VTCN1: variants seen among roughly 807,000 people sequenced by gnomAD.
The protein encoded by VTCN1 is V-set domain-containing T-cell activation inhibitor 1.
In VTCN1, 26 loss-of-function variants were observed where a neutral mutation model predicts 26.5. The observed-to-expected ratio is 0.98, with a 90% CI of 0.72 to 1.36. The LOEUF is 1.36. Among genes scored for constraint, VTCN1 ranks in the 40% most tolerant of loss-of-function variants. VTCN1 has a pLI of 0.00. For missense variants in VTCN1, 298 were observed against 337.7 expected (o/e 0.88, Z 0.92); for synonymous variants, 116 against 130.7 (o/e 0.89, Z 0.77).
At chr1:117,176,401 C>T (rs1378621674) in intron 1 of VTCN1, among the ~76,000 whole-genome samples, 1 of 151,858 alleles carries the variant, frequency 6.6e-6, no homozygotes, top group East Asian at 1.9e-4. Flanking sequence ...GCTCCTGTCA[C>T]CTCCTCGAGC....
At chr1:117,164,089 A>T (rs1652495464) in intron 2 of VTCN1, among the ~76,000 whole-genome samples, 1 of 152,112 alleles carries the variant, frequency 6.6e-6, no homozygotes, top group South Asian at 2.1e-4. Flanking sequence ...CCAGCTGAGG[A>T]GCAGATGTCC....
intron 3 of VTCN1, among the ~76,000 whole-genome samples, chr1:117,156,013 C>T (rs1460282354): frequency 1.3e-5 from 2 of 152,188 alleles, no homozygotes; most frequent in Non-Finnish European, 2.9e-5. Context: ...TCTGTTTAAT[C>T]ATCTTTATAC....
At chr1:117,172,394 T>A (rs189035939) in intron 1 of VTCN1, 1 of 518,776 alleles carries the variant, frequency 1.9e-6, no homozygotes, top group African/African-American at 1.9e-5. Flanking sequence ...TGGCCACTGC[T>A]CCTCTTTTCC....
At chr1:117,187,232 GC>G (rs1647986814) in intron 1 of VTCN1, among the ~76,000 whole-genome samples, 4 of 141,562 alleles carry the variant, frequency 2.8e-5, no homozygotes, top group Admixed American at 1.5e-4. Context: ...GATTGCTTGA[GC>G]CCAGGAGGCA....
chr1:117,170,238 G>A (rs1652833711), intron 1 of VTCN1, 67 bp from the exon 2 acceptor site: 1 of 1,436,412 alleles, frequency 7.0e-7, no homozygotes, highest in Non-Finnish European at 9.8e-7. Flanking sequence ...CTTTGCAACT[G>A]GGGTACAAAT....
At chr1:117,206,584 C>G (rs1290796626) in intron 1 of VTCN1, among the ~76,000 whole-genome samples, 3 of 152,138 alleles carry the variant, frequency 2.0e-5, no homozygotes, top group Non-Finnish European at 4.4e-5. Flanking sequence ...TACATTGCCT[C>G]CCTACAACAA....
chr1:117,166,724 T>C (rs190367200), intron 2 of VTCN1, among the ~76,000 whole-genome samples: 1 of 151,758 alleles, frequency 6.6e-6, no homozygotes. Context: ...CAAAATGTAC[T>C]TTAGCATTAC....
intron 2 of VTCN1, among the ~76,000 whole-genome samples, chr1:117,163,281 T>A (rs1246770956): frequency 6.6e-6 from 1 of 152,200 alleles, no homozygotes; most frequent in African/African-American, 2.4e-5. Flanking sequence ...CTGCCACTTA[T>A]TGGATATGTG....
At chr1:117,153,845 A>C (rs1403197253) in intron 3 of VTCN1, among the ~76,000 whole-genome samples, 1 of 152,208 alleles carries the variant, frequency 6.6e-6, no homozygotes, top group African/African-American at 2.4e-5. Flanking sequence ...TTCCATTCAC[A>C]AGCTTTGTCA....
chr1:117,192,175 G>A (rs1390390288), intron 1 of VTCN1, among the ~76,000 whole-genome samples: 1 of 152,220 alleles, frequency 6.6e-6, no homozygotes, highest in African/African-American at 2.4e-5. Flanking sequence ...ACATATAAGG[G>A]AAACTTTGTG....
At position 117,161,570 on chromosome 1, in the gene VTCN1, C is replaced by T. The variant is rs916084326; in HGVS notation, c.98-4649G>A. Among the ~76,000 whole-genome samples the T allele has an allele frequency of 6.6e-6, 1 of 152,090 alleles. No individual in the cohort carries two copies. Among genetic ancestry groups the T allele is most frequent in the African/African-American group, 2.4e-5 (1 of 41,414 alleles). On this transcript the variant is annotated intron_variant, in intron 2 of 5. Coordinates refer to ENST00000369458, the MANE Select transcript of VTCN1 (RefSeq NM_024626.4). The surrounding 1 kb of genome is among the most constrained non-coding windows in gnomAD (Gnocchi z 4.3). ...AACTGTCTTAATCCTATCTGTAAGTCCTGTAGTGCCTAGAGCTATGTTTCT... is the reference window on the plus strand; with the variant it reads ...AACTGTCTTAATCCTATCTGTAAGTTCTGTAGTGCCTAGAGCTATGTTTCT...
intron 4 of VTCN1, among the ~76,000 whole-genome samples, chr1:117,149,232 C>T (rs1049979771): frequency 1.3e-5 from 2 of 152,012 alleles, no homozygotes; most frequent in East Asian, 3.9e-4. Flanking sequence ...GCATTTCAAA[C>T]TCGACATCTC....
At position 117,143,622 on chromosome 1, in the gene VTCN1, A is replaced by G. The variant is rs1651362606; in HGVS notation, c.*1649T>C. ...AATGTATATTTAATCATTCTCTTGA[A>G]CGATCAGAACTCTAAAATCAGTTTT... On this transcript the variant is annotated 3_prime_UTR_variant, in exon 6 of 6. Transcript: ENST00000369458. 1 of 152,236 alleles carries G rather than the reference A, an allele frequency of 6.6e-6. No individual in the cohort carries two copies. The highest frequency in any genetic ancestry group is 2.4e-5 in the African/African-American group (1 of 41,466). The allele number at this position is 152,236 out of a possible 1,614,324, so 9.4% of individuals were successfully genotyped here.
In VTCN1 at chr1:117,147,055, G is replaced by A. The variant is rs1651549858; in HGVS notation, c.*45+558C>T. Among the ~76,000 whole-genome samples, 1 of 152,236 alleles carries A rather than the reference G, an allele frequency of 6.6e-6. No individual in the cohort carries two copies. Among genetic ancestry groups the A allele is most frequent in the African/African-American group, 2.4e-5 (1 of 41,542 alleles). ...TGGTGGGGATGCCACTGAGTAATAT[G>A]GGAGTATCGACTGGAACTTCATGAT... On this transcript the variant is annotated intron_variant, in intron 5 of 5. Transcript: ENST00000369458. The surrounding 1 kb of genome is among the most constrained non-coding windows in gnomAD (Gnocchi z 4.6).
intron 1 of VTCN1, chr1:117,203,793 TA>T (rs1290879081): frequency 4.9e-5 from 48 of 985,298 alleles, no homozygotes; most frequent in Non-Finnish European, 5.7e-5. Context: ...CGGCTGCTAA[TA>T]CAGAGAATCA....
At chr1:117,151,287 T>C (rs994102968) in intron 4 of VTCN1, among the ~76,000 whole-genome samples, 1 of 151,942 alleles carries the variant, frequency 6.6e-6, no homozygotes, top group Non-Finnish European at 1.5e-5. Context: ...ATGGTGCATC[T>C]GGAGTTGTTT....
chr1:117,174,550 T>A (rs1647219025), intron 1 of VTCN1, among the ~76,000 whole-genome samples: 1 of 152,158 alleles, frequency 6.6e-6, no homozygotes, highest in African/African-American at 2.4e-5. Flanking sequence ...GCGGATTACC[T>A]GAGGTCAGGA....
chr1:117,171,143 G>A (rs1039349336), intron 1 of VTCN1, among the ~76,000 whole-genome samples: 2 of 152,106 alleles, frequency 1.3e-5, no homozygotes, highest in Non-Finnish European at 2.9e-5. Context: ...TGAGAATGAT[G>A]GTTTCCAGCT....
Position 117,165,040 on chromosome 1 carries a change from T to C in VTCN1, c.97+5067A>G, listed in dbSNP as rs17036894. Among the ~76,000 whole-genome samples, 862 of 152,352 alleles carry C rather than the reference T, an allele frequency of 5.7e-3. 11 individuals carry two copies. Among genetic ancestry groups the C allele is most frequent in the African/African-American group, 0.02 (821 of 41,588 alleles). On this transcript the variant is annotated intron_variant, in intron 2 of 5. Transcript: ENST00000369458. ...TCTGTATTGGGGAAAAGTTTTATGT[T>C]TTCAAAAGCTGTGGTCTCAGGAATC...
Sources: gnomAD v4.1 joint callset for allele counts (sites outside exome capture counted in the v4.1 genomes callset) on GRCh38, gnomAD v4.1.1 for gene constraint, Gnocchi (gnomAD v3.1) non-coding constraint, MANE v1.5 for transcripts, NCBI Gene and HGNC (gene_info 2026-07-23, HGNC 2026-07-21) for gene names.